MEF2C: variants seen among roughly 807,000 people sequenced by gnomAD.
MEF2C encodes myocyte-specific enhancer factor 2C.
Under a neutral mutation model 50.5 loss-of-function variants are expected in MEF2C, and 6 were observed. That is an observed-to-expected ratio of 0.12 (90% CI 0.07 to 0.23). The LOEUF is 0.23. MEF2C is among the 10% of genes least tolerant of loss of function. MEF2C has a pLI of 1.00. For synonymous variants in MEF2C, 183 were observed against 228.0 expected (o/e 0.80, Z 1.78); for missense variants, 276 against 605.0 (o/e 0.46, Z 5.70).
chr5:88,798,139 A>G (rs1261726631), intron 3 of MEF2C, among the ~76,000 whole-genome samples: 1 of 151,612 alleles, frequency 6.6e-6, no homozygotes, highest in Non-Finnish European at 1.5e-5. Flanking sequence ...CTTTTTGAGG[A>G]GTATCTTGTG....
At chr5:88,730,830 G>A (rs1761154528) in intron 7 of MEF2C, among the ~76,000 whole-genome samples, 1 of 152,174 alleles carries the variant, frequency 6.6e-6, no homozygotes, top group Non-Finnish European at 1.5e-5. Flanking sequence ...TTACCCTGAA[G>A]CTTGCCACAG....
intron 6 of MEF2C, among the ~76,000 whole-genome samples, chr5:88,732,220 A>G (rs577701402): frequency 1.3e-5 from 2 of 152,294 alleles, no homozygotes; most frequent in South Asian, 4.1e-4. Context: ...AAAAGCACAG[A>G]ACTGGTCTTG....
intron 3 of MEF2C, 133 bp from the exon 4 acceptor site, chr5:88,761,461 A>G (rs1023214293): frequency 8.2e-6 from 9 of 1,093,016 alleles, no homozygotes; most frequent in African/African-American, 7.9e-5. Context: ...AAGAGAAACC[A>G]CAGATGAAAG....
chr5:88,862,284 T>C (rs909939042), intron 1 of MEF2C, among the ~76,000 whole-genome samples: 10 of 152,368 alleles, frequency 6.6e-5, no homozygotes, highest in Admixed American at 5.2e-4. Context: ...TGTCATGTCT[T>C]GCCTTTTCTG....
intron 6 of MEF2C, chr5:88,740,064 C>T: frequency 1.0e-6 from 1 of 985,248 alleles, no homozygotes; most frequent in Non-Finnish European, 1.2e-6. Flanking sequence ...ATACCAAAGC[C>T]AAGAACTATT....
chr5:88,767,013 A>G (rs1252193624), intron 3 of MEF2C, among the ~76,000 whole-genome samples: 1 of 152,210 alleles, frequency 6.6e-6, no homozygotes, highest in Non-Finnish European at 1.5e-5. Context: ...AATACTGCCT[A>G]TAAATTGAGT....
intron 3 of MEF2C, chr5:88,785,468 A>T (rs1164023340): frequency 6.6e-6 from 1 of 152,190 alleles, no homozygotes; most frequent in Non-Finnish European, 1.5e-5. Flanking sequence ...TTTAAGAAAG[A>T]GACTAAATGT....
At chr5:88,855,196 G>A (rs1444172236) in intron 1 of MEF2C, among the ~76,000 whole-genome samples, 1 of 152,150 alleles carries the variant, frequency 6.6e-6, no homozygotes, top group African/African-American at 2.4e-5. Flanking sequence ...GGATTTGAAA[G>A]AGTTTTGCTA....
intron 3 of MEF2C, among the ~76,000 whole-genome samples, chr5:88,800,812 T>A (rs1237217219): frequency 6.6e-6 from 1 of 152,218 alleles, no homozygotes; most frequent in Non-Finnish European, 1.5e-5. Flanking sequence ...AATAACTGTT[T>A]TTGTTTTTTT....
chr5:88,730,375 C>A (rs1227460532), intron 7 of MEF2C, 141 bp from the exon 8 acceptor site: 2 of 885,312 alleles, frequency 2.3e-6, no homozygotes, highest in Non-Finnish European at 3.6e-6. Flanking sequence ...CCAAAGATAA[C>A]TCCTTACAAA....
In MEF2C at chr5:88,728,647, C is replaced by A; in HGVS notation, c.965-19G>T. 7.4e-7 allele frequency: 1 copy of A among 1,346,218 alleles called. No individual in the cohort carries two copies. Among genetic ancestry groups the A allele is most frequent in the African/African-American group, 1.5e-5 (1 of 65,910 alleles). 83.4% of individuals were successfully genotyped at this position (1,346,218 alleles called of 1,614,324 possible). The stretch of plus-strand genomic sequence containing the variant: ...GAGTACTCTAGATTAAAGAATAAAA[C>A]AACAAGGGAAAATATTAAATTTAGA... On this transcript the variant is annotated intron_variant, in intron 9 of 10. Transcript: ENST00000504921.
rs566103335 is a variant in MEF2C, at chr5:88,768,582, C to T, written c.259-7254G>A. 3.2e-4 allele frequency: 173 copies of T among 537,644 alleles called. 1 individual carries two copies. In the African/African-American group the frequency reaches 3.2e-3, roughly 10 times the overall value. The allele number at this position is 537,644 out of a possible 1,614,324, so 33.3% of individuals were successfully genotyped here. ...GTTAGGAATAGTTTATTTGTCATCT[C>T]GTATCACCAGAACTTAGCACAAGGC... On this transcript the variant is annotated intron_variant, in intron 3 of 10. Transcript: ENST00000504921.
intron 1 of MEF2C, among the ~76,000 whole-genome samples, chr5:88,863,879 T>C (rs1326030173): frequency 1.3e-5 from 2 of 150,486 alleles, no homozygotes; most frequent in South Asian, 2.1e-4. Context: ...TGGAGTGCAA[T>C]AGCACCATCT....
intron 4 of MEF2C, among the ~76,000 whole-genome samples, chr5:88,754,897 C>T (rs1039559536): frequency 1.3e-5 from 2 of 152,164 alleles, no homozygotes; most frequent in African/African-American, 4.8e-5. Flanking sequence ...GTTATCTCAT[C>T]GCCTAACACC....
intron 1 of MEF2C, among the ~76,000 whole-genome samples, chr5:88,870,007 TTACAA>T (rs1829024629): frequency 6.6e-6 from 1 of 151,594 alleles, no homozygotes; most frequent in Non-Finnish European, 1.5e-5. Flanking sequence ...AAGTATTCTA[TTACAA>T]TACATTTTTT....
intron 10 of MEF2C, among the ~76,000 whole-genome samples, chr5:88,727,418 A>G (rs1307842934): frequency 6.6e-6 from 1 of 152,142 alleles, no homozygotes; most frequent in Non-Finnish European, 1.5e-5. Context: ...TATATGCTAA[A>G]TCACTATCAT....
At chr5:88,764,807 C>CAA (rs869119169) in intron 3 of MEF2C, among the ~76,000 whole-genome samples, 355 of 73,274 alleles carry the variant, frequency 4.8e-3, no homozygotes, top group Non-Finnish European at 5.5e-3. Flanking sequence ...GACTCCATCT[C>CAA]AAAAAAAAAA....
At chr5:88,807,594 C>T (rs887599206) in intron 2 of MEF2C, among the ~76,000 whole-genome samples, 1 of 152,090 alleles carries the variant, frequency 6.6e-6, no homozygotes, top group Non-Finnish European at 1.5e-5. Flanking sequence ...AGATTTATAC[C>T]TACTCTTAAG....
intron 2 of MEF2C, among the ~76,000 whole-genome samples, chr5:88,807,747 G>T (rs1357303204): frequency 6.6e-6 from 1 of 152,096 alleles, no homozygotes; most frequent in African/African-American, 2.4e-5. Context: ...ACTTGTCTTG[G>T]TGACTTGAAG....
Sources: gnomAD v4.1 joint callset for allele counts (sites outside exome capture counted in the v4.1 genomes callset) on GRCh38, gnomAD v4.1.1 for gene constraint, MANE v1.5 for transcripts, NCBI Gene and HGNC (gene_info 2026-07-23, HGNC 2026-07-21) for gene names.